FAM13A: variants seen among roughly 807,000 people sequenced by gnomAD.
FAM13A encodes family with sequence similarity 13 member A, also known as protein FAM13A.
FAM13A carries 76 observed loss-of-function variants against 129.6 expected under a neutral mutation model. The ratio of observed to expected loss-of-function variants is 0.59; its 90% CI spans 0.49 to 0.71. The LOEUF (loss-of-function observed/expected upper bound fraction) is 0.71. Among genes scored for constraint, FAM13A ranks in the 30% least tolerant of loss-of-function variants. The probability of loss-of-function intolerance (pLI) is 0.00; values close to 1 mark genes in which losing one functional copy is unlikely to be tolerated. For missense variants in FAM13A, 1,108 were observed against 1,249.3 expected, an observed-to-expected ratio of 0.89 and a Z score of 1.70; for synonymous variants, 443 against 449.9, an observed-to-expected ratio of 0.98 and a Z score of 0.20.
At chr4:88,941,109 C>A (rs184105148) in intron 4 of FAM13A, among the ~76,000 whole-genome samples, 1 of 152,096 alleles carries the variant, frequency 6.6e-6, no homozygotes, top group Non-Finnish European at 1.5e-5. Flanking sequence ...CATAGGAGAC[C>A]ATTGTTTTGG....
chr4:88,760,142 GCTA>G (rs1181528520), intron 13 of FAM13A, among the ~76,000 whole-genome samples: 1 of 152,202 alleles, frequency 6.6e-6, no homozygotes, highest in Non-Finnish European at 1.5e-5. Context: ...AAGACTTGCA[GCTA>G]CTTTTAATAG....
chr4:88,763,428 C>T (rs1291027209), intron 13 of FAM13A, among the ~76,000 whole-genome samples: 2 of 152,120 alleles, frequency 1.3e-5, no homozygotes, highest in Non-Finnish European at 2.9e-5. Flanking sequence ...CCAAGTATCA[C>T]GTGTGTTATA....
At chr4:88,927,664 T>A (rs1289674917) in intron 5 of FAM13A, among the ~76,000 whole-genome samples, 1 of 152,024 alleles carries the variant, frequency 6.6e-6, no homozygotes, top group Non-Finnish European at 1.5e-5. Context: ...TTCATAATAG[T>A]CTTTGATGAT....
At chr4:88,927,825 T>C (rs1319105489) in intron 5 of FAM13A, among the ~76,000 whole-genome samples, 1 of 152,036 alleles carries the variant, frequency 6.6e-6, no homozygotes, top group Non-Finnish European at 1.5e-5. Flanking sequence ...TTTCATTTCA[T>C]TGGTCCTTTG....
chr4:88,922,269 C>G (rs1751248808), intron 5 of FAM13A, among the ~76,000 whole-genome samples: 1 of 151,938 alleles, frequency 6.6e-6, no homozygotes, highest in African/African-American at 2.4e-5. Context: ...CACCACACCA[C>G]ACCTATTCCA....
intron 6 of FAM13A, among the ~76,000 whole-genome samples, chr4:88,896,834 A>AT (rs1265001878): frequency 6.6e-6 from 1 of 152,230 alleles, no homozygotes; most frequent in Admixed American, 6.5e-5. Context: ...TTATCAGTAC[A>AT]TTTTGTATCC....
At chr4:88,954,985 C>T (rs1003015723) in intron 4 of FAM13A, among the ~76,000 whole-genome samples, 3 of 151,750 alleles carry the variant, frequency 2.0e-5, no homozygotes, top group Admixed American at 1.3e-4. Flanking sequence ...TGGTTATTGT[C>T]TTGATTCTAA....
rs1417759687 is a variant in FAM13A at position 88,727,503 on chromosome 4, C to CAG, written c.*1029_*1030insCT. 1 of 152,494 alleles carries CAG rather than the reference C, an allele frequency of 6.6e-6. No individual in the cohort carries two copies. Among genetic ancestry groups the CAG allele is most frequent in the Non-Finnish European group, 1.5e-5 (1 of 68,006 alleles). The allele number at this position is 152,494 out of a possible 1,614,324, so 9.4% of individuals were successfully genotyped here. ...GCCTTGGGCTGAGCTCTGAGGGCTA[C>CAG]ATTTACCTGTCAGTTTGGGGATTTT... is the stretch of plus-strand genomic sequence containing the variant. On this transcript the variant is annotated 3_prime_UTR_variant, in exon 24 of 24. Coordinates refer to ENST00000264344, the MANE Select transcript of FAM13A (RefSeq NM_014883.4).
chr4:88,933,397 G>A (rs945403676), intron 5 of FAM13A, among the ~76,000 whole-genome samples: 2 of 152,010 alleles, frequency 1.3e-5, no homozygotes, highest in Non-Finnish European at 2.9e-5. Context: ...TAAATTCAGG[G>A]TCAATAAGGA....
chr4:88,995,071 C>CACCCAAA lies in FAM13A; in HGVS notation c.428-3922_428-3921insTTTGGGT, dbSNP rs1332673294. 9.9e-5 allele frequency among the ~76,000 whole-genome samples: 15 copies of CACCCAAA among 151,742 alleles called. No homozygotes were observed. In the East Asian group the frequency reaches 2.5e-3, roughly 25 times the overall value. On this transcript the variant is annotated intron_variant, in intron 3 of 23. Transcript: ENST00000264344. Reference sequence around the variant, plus strand: ...ACTATGTATATTTGTTGCACACACGCATCCAAAATGTATATTTGTTGCACA... The same window carrying CACCCAAA: ...ACTATGTATATTTGTTGCACACACGCACCCAAAATCCAAAATGTATATTTGTTGCACA...
At chr4:88,927,486 G>GTA (rs564255957) in intron 5 of FAM13A, among the ~76,000 whole-genome samples, 1 of 95,474 alleles carries the variant, frequency 1.0e-5, no homozygotes, top group Non-Finnish European at 2.3e-5. Context: ...CTGGTTCTAG[G>GTA]TTTTTTTTTT....
At chr4:88,774,618 G>C (rs1196148042) in intron 11 of FAM13A, among the ~76,000 whole-genome samples, 1 of 152,188 alleles carries the variant, frequency 6.6e-6, no homozygotes, top group African/African-American at 2.4e-5. Context: ...TGTAGCAGCA[G>C]ACATGTTCTG....
At chr4:89,040,277 C>T (rs762250524) in intron 1 of FAM13A, among the ~76,000 whole-genome samples, 1 of 152,086 alleles carries the variant, frequency 6.6e-6, no homozygotes, top group Non-Finnish European at 1.5e-5. Context: ...GTACAAATAT[C>T]ACGGAATGCT....
intron 6 of FAM13A, among the ~76,000 whole-genome samples, chr4:88,861,775 A>G (rs1267729861): frequency 1.3e-5 from 2 of 152,190 alleles, no homozygotes; most frequent in Non-Finnish European, 2.9e-5. Flanking sequence ...AGTGCTTACT[A>G]TATGGTAGGC....
intron 5 of FAM13A, among the ~76,000 whole-genome samples, chr4:88,919,399 A>C (rs983456138): frequency 2.6e-5 from 4 of 152,262 alleles, no homozygotes; most frequent in African/African-American, 7.2e-5. Context: ...AATGCTCAGA[A>C]TAGTTACTAT....
rs13132415 is a variant in FAM13A, at chr4:88,906,341, G to A, written c.843+38C>T. On this transcript the variant is annotated intron_variant, in intron 6 of 23. Coordinates refer to ENST00000264344, the MANE Select transcript of FAM13A (RefSeq NM_014883.4). ...ACAAAAAACAAAGAACCATGCTAAA[G>A]ATTTCACATGGTCGCCTACAGAGAA... The A allele has an allele frequency of 3.1e-6, 4 of 1,289,662 alleles. No individual in the cohort carries two copies. In the African/African-American group the frequency reaches 6.0e-5, roughly 19 times the overall value. 79.9% of individuals were successfully genotyped at this position (1,289,662 alleles called of 1,614,324 possible). A position where few individuals can be genotyped will look rare whatever the true frequency, so the allele number is the denominator to read the frequency against.
intron 5 of FAM13A, among the ~76,000 whole-genome samples, chr4:88,908,847 G>A (rs1350034436): frequency 6.6e-6 from 1 of 152,102 alleles, no homozygotes; most frequent in African/African-American, 2.4e-5. Context: ...TGAAACAGCA[G>A]CTCCCACCCT....
rs1447682616 is a variant in FAM13A at position 88,748,873 on chromosome 4, G to A, written c.2161+79C>T. The stretch of plus-strand genomic sequence containing the variant: ...AAGGACCGGGGAATGCCTTAGCAGT[G>A]GCACTCAGTGGGAGAGGAGGTGAGA... On this transcript the variant is annotated intron_variant, in intron 17 of 23. Transcript: ENST00000264344. 8 of 973,210 alleles carry A rather than the reference G, an allele frequency of 8.2e-6. No individual in the cohort carries two copies. In the Admixed American group the frequency reaches 1.0e-4, roughly 12 times the overall value. The allele number at this position is 973,210 out of a possible 1,614,324, so 60.3% of individuals were successfully genotyped here.
Position 88,767,652 on chromosome 4 carries a change from T to G in FAM13A, c.1536-57A>C, listed in dbSNP as rs1367112246. 2.2e-6 allele frequency: 3 copies of G among 1,348,070 alleles called. No homozygotes were observed. In the East Asian group the frequency reaches 7.1e-5, roughly 32 times the overall value. 83.5% of individuals were successfully genotyped at this position (1,348,070 alleles called of 1,614,324 possible). On this transcript the variant is annotated intron_variant, in intron 12 of 23. Transcript: ENST00000264344. ...AAAATATCTACTTGTTTTATAACGT[T>G]TTTCATCCACTGATATTATGATTTA...
Sources: allele counts gnomAD v4.1 joint callset (sites outside exome capture counted in the v4.1 genomes callset), GRCh38; gene constraint gnomAD v4.1.1; transcripts MANE v1.5; gene names NCBI Gene and HGNC (gene_info 2026-07-23, HGNC 2026-07-21).